CTIF: variants seen among roughly 807,000 people sequenced by gnomAD.
The protein encoded by CTIF is CBP80/20-dependent translation initiation factor.
A neutral mutation model predicts 66.0 loss-of-function variants in CTIF; 21 were observed. The observed-to-expected ratio is 0.32, with a 90% CI of 0.23 to 0.46. The LOEUF is 0.46. Ranked by LOEUF, CTIF falls within the 20% of genes least tolerant of loss-of-function variation. CTIF has a pLI of 1.00. For synonymous variants in CTIF, 345 were observed against 326.4 expected (o/e 1.06, Z -0.62); for missense variants, 739 against 812.7 (o/e 0.91, Z 1.10).
chr18:48,682,268 C>T (rs866531041), intron 6 of CTIF, among the ~76,000 whole-genome samples: 15 of 152,216 alleles, frequency 9.9e-5, no homozygotes, highest in African/African-American at 3.4e-4. Context: ...CCCACACATG[C>T]ATCTCTCCCT....
chr18:48,618,334 G>T (rs957698860), intron 1 of CTIF, among the ~76,000 whole-genome samples: 1 of 152,246 alleles, frequency 6.6e-6, no homozygotes, highest in Non-Finnish European at 1.5e-5. Context: ...TCAGAGCCCT[G>T]TGTGTGCAGG....
chr18:48,608,769 A>C (rs1363024212), intron 1 of CTIF, among the ~76,000 whole-genome samples: 1 of 152,182 alleles, frequency 6.6e-6, no homozygotes, highest in Non-Finnish European at 1.5e-5. Context: ...CAGGCTCTGG[A>C]AACAGCTCGG....
chr18:48,738,535 T>TCCC lies in CTIF; in HGVS notation c.585-19381_585-19379dup, dbSNP rs199885562. On this transcript the variant is annotated intron_variant, in intron 7 of 11. Coordinates refer to ENST00000256413, the MANE Select transcript of CTIF (RefSeq NM_014772.3). ...ACCTCGGGGACTTTGCACTGGCTGT[T>TCCC]CCCCCTCCCCGGATTGCTCTTCTCC... Among the ~76,000 whole-genome samples, 6 of 151,032 alleles carry TCCC rather than the reference T, an allele frequency of 4.0e-5. No individual in the cohort carries two copies. In the South Asian group the frequency reaches 6.4e-4, roughly 16 times the overall value.
At chr18:48,625,005 G>T (rs1243935463) in intron 2 of CTIF, among the ~76,000 whole-genome samples, 1 of 152,190 alleles carries the variant, frequency 6.6e-6, no homozygotes, top group Non-Finnish European at 1.5e-5. Context: ...GCAATGAATA[G>T]GATAGGGTGA....
chr18:48,556,514 T>G (rs987530062), intron 1 of CTIF, among the ~76,000 whole-genome samples: 2 of 152,188 alleles, frequency 1.3e-5, no homozygotes, highest in Non-Finnish European at 2.9e-5. Context: ...AAGTACACAC[T>G]CTGGAGTGCT....
chr18:48,541,252 G>A (rs2088610196), intron 1 of CTIF, among the ~76,000 whole-genome samples: 1 of 152,180 alleles, frequency 6.6e-6, no homozygotes, highest in South Asian at 2.1e-4. Context: ...CCCGCCCGGC[G>A]CTGTGTCTCT....
At chr18:48,746,961 G>A (rs2145789122) in intron 7 of CTIF, among the ~76,000 whole-genome samples, 1 of 152,190 alleles carries the variant, frequency 6.6e-6, no homozygotes, top group East Asian at 1.9e-4. Flanking sequence ...CAGACCCCAT[G>A]TCTCGCCACA....
At chr18:48,550,625 C>T (rs1023939126) in intron 1 of CTIF, among the ~76,000 whole-genome samples, 1 of 152,310 alleles carries the variant, frequency 6.6e-6, no homozygotes, top group Non-Finnish European at 1.5e-5. Context: ...CCTCCTCCCC[C>T]TCTTCCCACA....
At chr18:48,547,728 A>C (rs969119087) in intron 1 of CTIF, among the ~76,000 whole-genome samples, 10 of 152,178 alleles carry the variant, frequency 6.6e-5, no homozygotes, top group African/African-American at 2.2e-4. Context: ...TGTCAAGCTG[A>C]GATTCTGTGA....
At chr18:48,722,660 A>G (rs1197878743) in intron 7 of CTIF, among the ~76,000 whole-genome samples, 11 of 150,930 alleles carry the variant, frequency 7.3e-5, no homozygotes, top group African/African-American at 2.7e-4. Context: ...ACCCGGCCGT[A>G]CCCATCAGCG....
intron 1 of CTIF, among the ~76,000 whole-genome samples, chr18:48,591,481 G>C (rs1029537929): frequency 2.0e-5 from 3 of 152,226 alleles, no homozygotes; most frequent in African/African-American, 7.2e-5. Context: ...TGTGACCTTG[G>C]TGTCTGAACC....
chr18:48,693,504 G>C (rs1339696708), intron 6 of CTIF, among the ~76,000 whole-genome samples: 1 of 152,204 alleles, frequency 6.6e-6, no homozygotes, highest in Non-Finnish European at 1.5e-5. Context: ...AACCAGGGCT[G>C]AGAGCCACCA....
chr18:48,636,587 C>A, intron 2 of CTIF, 27 bp from the exon 3 acceptor site: 1 of 1,502,070 alleles, frequency 6.7e-7, no homozygotes, highest in African/African-American at 1.4e-5. Flanking sequence ...GTCCTGCCGT[C>A]ACTGATCGCT....
At chr18:48,664,577 A>C in intron 5 of CTIF, 26 bp downstream of exon 5, 4 of 1,558,278 alleles carry the variant, frequency 2.6e-6, no homozygotes, top group Non-Finnish European at 3.5e-6. Flanking sequence ...GCTCTTACCC[A>C]GGGTGGGGTG....
At chr18:48,640,058 C>A (rs77148975) in intron 3 of CTIF, among the ~76,000 whole-genome samples, 1,635 of 152,330 alleles carry the variant, frequency 0.011, 14 homozygotes, top group South Asian at 0.021. Flanking sequence ...GAGGAGGACC[C>A]AGGCAGCTGC....
intron 10 of CTIF, among the ~76,000 whole-genome samples, chr18:48,834,244 G>GA (rs1227226401): frequency 2.6e-5 from 4 of 152,232 alleles, no homozygotes; most frequent in African/African-American, 9.6e-5. Flanking sequence ...CTTCATAGCG[G>GA]AAAAAGCAGC....
intron 1 of CTIF, among the ~76,000 whole-genome samples, chr18:48,576,458 G>A (rs11876804): frequency 0.043 from 6,566 of 152,218 alleles, 452 homozygotes; most frequent in African/African-American, 0.15. Flanking sequence ...CCATTTAGGC[G>A]CTGCCCTCAC....
chr18:48,715,228 T>A (rs2092268197), intron 7 of CTIF, among the ~76,000 whole-genome samples: 1 of 152,096 alleles, frequency 6.6e-6, no homozygotes, highest in Non-Finnish European at 1.5e-5. Context: ...TCTAGTGAAT[T>A]GTGGATGTCT....
chr18:48,696,073 G>A (rs1054252442), intron 6 of CTIF, among the ~76,000 whole-genome samples: 4 of 152,220 alleles, frequency 2.6e-5, no homozygotes, highest in East Asian at 1.9e-4. Context: ...GGCCCAAGCC[G>A]CCTCCCACAG....
Sources: gnomAD v4.1 joint callset for allele counts (sites outside exome capture counted in the v4.1 genomes callset) on GRCh38, gnomAD v4.1.1 for gene constraint, MANE v1.5 for transcripts, NCBI Gene and HGNC (gene_info 2026-07-23, HGNC 2026-07-21) for gene names.